Variants in OTOA observed in about 807,000 individuals in gnomAD.
OTOA encodes otoancorin.
In OTOA, 70 loss-of-function variants were observed where a neutral mutation model predicts 110.8. The ratio of observed to expected loss-of-function variants is 0.63; its 90% CI spans 0.52 to 0.77. The LOEUF (loss-of-function observed/expected upper bound fraction) is 0.77, where lower values mean the gene tolerates loss of function less well. Among genes scored for constraint, OTOA ranks in the 30% least tolerant of loss-of-function variants. The probability of loss-of-function intolerance (pLI) is 0.00; values close to 1 mark genes in which losing one functional copy is unlikely to be tolerated. For synonymous variants in OTOA, 373 were observed against 431.5 expected, an observed-to-expected ratio of 0.86 and a Z score of 1.68; for missense variants, 917 against 1,075.8, an observed-to-expected ratio of 0.85 and a Z score of 2.06.
At chr16:21,678,790 T>A in intron 2 of OTOA, 125 bp from the exon 3 acceptor site, 1 of 1,295,248 alleles carries the variant, frequency 7.7e-7, no homozygotes, top group Non-Finnish European at 1.1e-6. Context: ...TGGACAGTTA[T>A]AATTAAAATT....
At chr16:21,681,174 G>T (rs1244857284) in intron 5 of OTOA, among the ~76,000 whole-genome samples, 1 of 152,188 alleles carries the variant, frequency 6.6e-6, no homozygotes, top group East Asian at 1.9e-4. Context: ...AATCTAAGCA[G>T]ATTGTTACGG....
At chr16:21,670,449 C>T (rs568161931) in intron 1 of OTOA, among the ~76,000 whole-genome samples, 3 of 152,286 alleles carry the variant, frequency 2.0e-5, no homozygotes, top group South Asian at 4.1e-4. Context: ...AATGTCACCT[C>T]CTCAGGTCTT....
chr16:21,694,675 T>C (rs1897896386), intron 9 of OTOA, among the ~76,000 whole-genome samples: 1 of 151,812 alleles, frequency 6.6e-6, no homozygotes. Flanking sequence ...TCCCAGGAAA[T>C]ACAAAGGCCC....
At chr16:21,678,429 T>C in intron 1 of OTOA, 82 bp from the exon 2 acceptor site, 1 of 858,670 alleles carries the variant, frequency 1.2e-6, no homozygotes. Flanking sequence ...TATGTTTATA[T>C]ACATGTATAT....
chr16:21,695,682 C>T (rs913928919), intron 9 of OTOA, among the ~76,000 whole-genome samples: 6 of 151,386 alleles, frequency 4.0e-5, no homozygotes, highest in East Asian at 1.9e-4. Flanking sequence ...TGTCATTGCC[C>T]ACGGCTTCTG....
At chr16:21,695,891 A>ATATATATATTT (rs569493650) in intron 9 of OTOA, among the ~76,000 whole-genome samples, 9 of 41,904 alleles carry the variant, frequency 2.1e-4, no homozygotes, top group African/African-American at 4.4e-4. Context: ...ATATATATAT[A>ATATATATATTT]TTTTTTTTTT....
rs1385651999 is a variant in OTOA at position 21,735,369 on chromosome 16, A to G, written c.2302-892A>G. 4.0e-5 allele frequency among the ~76,000 whole-genome samples: 6 copies of G among 151,838 alleles called. No individual in the cohort carries two copies. The East Asian group carries it at 1.2e-3, about 30-fold the overall frequency. ...ATTTAAACAACAAGATCTCGAGAGA[A>G]CGCACGCACTATTGTGAGGACAGTA... On this transcript the variant is annotated intron_variant, in intron 21 of 28. Transcript: ENST00000646100.
intron 28 of OTOA, among the ~76,000 whole-genome samples, chr16:21,760,183 T>C (rs1273326281): frequency 2.0e-5 from 3 of 151,818 alleles, no homozygotes; most frequent in African/African-American, 7.3e-5. Flanking sequence ...AAAATACAAA[T>C]TCCTGGGTCT....
intron 3 of OTOA, 28 bp downstream of exon 3, chr16:21,678,971 A>G (rs1188894308): frequency 6.2e-7 from 1 of 1,613,894 alleles, no homozygotes; most frequent in Non-Finnish European, 8.5e-7. Context: ...TGTTAATCAG[A>G]GTCCCCTCTA....
intron 15 of OTOA, 116 bp from the exon 16 acceptor site, chr16:21,719,017 G>A: frequency 2.9e-6 from 3 of 1,028,218 alleles, no homozygotes; most frequent in Non-Finnish European, 4.6e-6. Context: ...AGCCTGTTAA[G>A]CCTCCATTTC....
At position 21,712,442 on chromosome 16, in the gene OTOA, C is replaced by T. The variant is rs950566533; in HGVS notation, c.1320+2339C>T. Among the ~76,000 whole-genome samples the T allele has an allele frequency of 3.9e-5, 6 of 152,096 alleles. No individual in the cohort carries two copies. The East Asian group carries it at 9.7e-4, about 24-fold the overall frequency. ...CACCGTAATTCTAGTGTTAGTACCT[C>T]CCATGCAGCTTGAAGGAGGATATGG... On this transcript the variant is annotated intron_variant, in intron 13 of 28. Transcript: ENST00000646100.
At chr16:21,672,022 A>G (rs1966849913) in intron 1 of OTOA, among the ~76,000 whole-genome samples, 1 of 152,098 alleles carries the variant, frequency 6.6e-6, no homozygotes, top group Non-Finnish European at 1.5e-5. Flanking sequence ...GTTGCAATAA[A>G]CTTTTCCCAT....
intron 12 of OTOA, among the ~76,000 whole-genome samples, chr16:21,707,196 G>T (rs990449608): frequency 2.0e-5 from 3 of 151,802 alleles, no homozygotes; most frequent in African/African-American, 4.8e-5. Context: ...CCAAGGAAAA[G>T]AATCCGTCCT....
At chr16:21,667,526 C>A (rs1441871342) in intron 1 of OTOA, among the ~76,000 whole-genome samples, 1 of 151,322 alleles carries the variant, frequency 6.6e-6, no homozygotes, top group South Asian at 2.1e-4. Context: ...TAGTGGCGGG[C>A]GCCTGTAGTC....
intron 22 of OTOA, among the ~76,000 whole-genome samples, chr16:21,737,799 T>G (rs1300419240): frequency 6.6e-6 from 1 of 152,258 alleles, no homozygotes; most frequent in Non-Finnish European, 1.5e-5. Flanking sequence ...ATTATAGATG[T>G]GAGCTACCAT....
At chr16:21,695,804 G>T (rs1186722784) in intron 9 of OTOA, among the ~76,000 whole-genome samples, 2 of 147,810 alleles carry the variant, frequency 1.4e-5, no homozygotes, top group Non-Finnish European at 3.0e-5. Flanking sequence ...TTGCTAAAGA[G>T]CTGGGGAGCA....
intron 11 of OTOA, among the ~76,000 whole-genome samples, chr16:21,702,376 T>A (rs972426724): frequency 2.0e-5 from 3 of 152,208 alleles, no homozygotes; most frequent in Non-Finnish European, 4.4e-5. Context: ...AACAATTACA[T>A]CTGTTTCACC....
chr16:21,706,406 T>A (rs1415951818), intron 12 of OTOA, among the ~76,000 whole-genome samples: 1 of 152,146 alleles, frequency 6.6e-6, no homozygotes, highest in Non-Finnish European at 1.5e-5. Context: ...ATTAGTAACA[T>A]CCCTGCCAGG....
At chr16:21,679,136 T>C in intron 4 of OTOA, 48 bp from the exon 5 acceptor site, 1 of 1,613,542 alleles carries the variant, frequency 6.2e-7, no homozygotes, top group Non-Finnish European at 8.5e-7. Flanking sequence ...GTGATCTCTC[T>C]GGAATGATTC....
Sources: gnomAD v4.1 joint callset for allele counts (sites outside exome capture counted in the v4.1 genomes callset) on GRCh38, gnomAD v4.1.1 for gene constraint, MANE v1.5 for transcripts, NCBI Gene and HGNC (gene_info 2026-07-23, HGNC 2026-07-21) for gene names.